BCAT1: variants seen among roughly 807,000 people sequenced by gnomAD.
The protein encoded by BCAT1 is branched chain amino acid transaminase 1, also known as branched-chain-amino-acid aminotransferase, cytosolic.
Under a neutral mutation model 52.4 loss-of-function variants are expected in BCAT1, and 48 were observed. The ratio of observed to expected loss-of-function variants is 0.92; its 90% CI spans 0.73 to 1.16. The LOEUF (loss-of-function observed/expected upper bound fraction) is 1.16, where lower values mean the gene tolerates loss of function less well. Ranked by LOEUF, BCAT1 falls within the 50% of genes most tolerant of loss-of-function variation. The pLI is 0.00. For missense variants in BCAT1, 451 were observed against 457.1 expected (o/e 0.99, Z 0.12); for synonymous variants, 167 against 161.3 (o/e 1.04, Z -0.27).
At chr12:24,832,580 C>G in intron 9 of BCAT1, 143 bp downstream of exon 9, 7 of 1,056,468 alleles carry the variant, frequency 6.6e-6, no homozygotes, top group Non-Finnish European at 9.3e-6. Context: ...GACTCCATCT[C>G]TTTAAAATAA....
At chr12:24,887,080 A>AAAAAAAAATATATATATAT (rs1245203518) in intron 3 of BCAT1, among the ~76,000 whole-genome samples, 2 of 40,744 alleles carry the variant, frequency 4.9e-5, no homozygotes, top group Non-Finnish European at 5.2e-5. Flanking sequence ...AAAAAAAAAA[A>AAAAAAAAATATATATATAT]ATATATATAT....
chr12:24,852,953 A>G (rs975659788), intron 5 of BCAT1, among the ~76,000 whole-genome samples: 6 of 152,264 alleles, frequency 3.9e-5, no homozygotes, highest in African/African-American at 1.4e-4. Context: ...GTGCTTTAAG[A>G]CAATGAATAA....
intron 1 of BCAT1, among the ~76,000 whole-genome samples, chr12:24,939,104 C>A (rs1446188126): frequency 2.0e-5 from 3 of 152,166 alleles, no homozygotes; most frequent in Non-Finnish European, 4.4e-5. Flanking sequence ...GAACTCCTGG[C>A]CTCAAGTGAT....
At chr12:24,918,336 G>A (rs982275010) in intron 1 of BCAT1, among the ~76,000 whole-genome samples, 24 of 152,246 alleles carry the variant, frequency 1.6e-4, no homozygotes, top group African/African-American at 4.6e-4. Flanking sequence ...CAAGGTAACC[G>A]GCCAGTGCTC....
upstream of BCAT1, chr12:24,949,190 A>G: frequency 3.7e-6 from 2 of 534,742 alleles, no homozygotes; most frequent in Non-Finnish European, 6.6e-6. Flanking sequence ...CCGCCCCCAG[A>G]TGGTGGAGTC....
intron 5 of BCAT1, among the ~76,000 whole-genome samples, chr12:24,861,386 G>A (rs1941845833): frequency 1.3e-5 from 2 of 152,214 alleles, no homozygotes; most frequent in African/African-American, 4.8e-5. Context: ...TTGCTTTACT[G>A]TTGTAGAATA....
At chr12:24,845,163 G>C (rs189936795) in intron 6 of BCAT1, among the ~76,000 whole-genome samples, 28 of 151,398 alleles carry the variant, frequency 1.8e-4, no homozygotes, top group African/African-American at 6.3e-4. Context: ...GCAGTGAGCT[G>C]AGATGGTGCC....
At position 24,873,967 on chromosome 12, in the gene BCAT1, T is replaced by G. The variant is rs371122955; in HGVS notation, c.510+4563A>C. Among the ~76,000 whole-genome samples, 15 of 152,312 alleles carry G rather than the reference T, an allele frequency of 9.8e-5. 1 individual carries two copies. In the East Asian group the frequency reaches 2.7e-3, roughly 27 times the overall value. On this transcript the variant is annotated intron_variant, in intron 5 of 10. Coordinates refer to ENST00000261192, the MANE Select transcript of BCAT1 (RefSeq NM_005504.7). ...TAGTAATTGATTTAATTATTTATCATGAGGAACTGCACAAAAACATTAGTA... is the reference window on the plus strand; with the variant it reads ...TAGTAATTGATTTAATTATTTATCAGGAGGAACTGCACAAAAACATTAGTA...
At chr12:24,902,867 G>T in intron 1 of BCAT1, 1 of 1,501,876 alleles carries the variant, frequency 6.7e-7, no homozygotes, top group Non-Finnish European at 8.9e-7. Flanking sequence ...ACGGCGACAA[G>T]GCGCCCGGCC....
chr12:24,923,856 AAT>A (rs1473476729), intron 1 of BCAT1, among the ~76,000 whole-genome samples: 1 of 152,232 alleles, frequency 6.6e-6, no homozygotes, highest in African/African-American at 2.4e-5. Flanking sequence ...GCAATTAACA[AAT>A]ATCAGAGTGA....
At chr12:24,941,302 A>G (rs1591894363) in intron 1 of BCAT1, among the ~76,000 whole-genome samples, 2 of 152,174 alleles carry the variant, frequency 1.3e-5, no homozygotes, top group African/African-American at 4.8e-5. Flanking sequence ...ATTAAGCTAC[A>G]TGAGTTTGCA....
intron 10 of BCAT1, among the ~76,000 whole-genome samples, chr12:24,825,133 G>GTATA (rs1467590780): frequency 6.3e-4 from 40 of 63,130 alleles, no homozygotes; most frequent in African/African-American, 2.5e-3. Flanking sequence ...GTGTGTGTGT[G>GTATA]TGTATATATA....
At chr12:24,828,874 C>T (rs1940519794) in intron 10 of BCAT1, among the ~76,000 whole-genome samples, 1 of 151,824 alleles carries the variant, frequency 6.6e-6, no homozygotes, top group Non-Finnish European at 1.5e-5. Context: ...GGAACGGTGG[C>T]ATGAGACCTG....
intron 5 of BCAT1, among the ~76,000 whole-genome samples, chr12:24,862,202 A>G (rs1941864651): frequency 6.6e-6 from 1 of 152,066 alleles, no homozygotes; most frequent in South Asian, 2.1e-4. Flanking sequence ...TCTCTAATAA[A>G]CTTGATTTGA....
chr12:24,826,753 T>G (rs951915398), intron 10 of BCAT1, among the ~76,000 whole-genome samples: 5 of 152,208 alleles, frequency 3.3e-5, no homozygotes, highest in Non-Finnish European at 5.9e-5. Flanking sequence ...CAAAATTAAT[T>G]CTTCCAATCC....
intron 1 of BCAT1, 113 bp from the exon 2 acceptor site, chr12:24,901,998 A>G (rs1347746443): frequency 3.1e-6 from 5 of 1,598,198 alleles, no homozygotes; most frequent in Non-Finnish European, 4.3e-6. Flanking sequence ...GACCCAGGCA[A>G]ACACAAAAAA....
chr12:24,840,707 A>C (rs1366254181), intron 7 of BCAT1, among the ~76,000 whole-genome samples: 1 of 152,206 alleles, frequency 6.6e-6, no homozygotes, highest in African/African-American at 2.4e-5. Flanking sequence ...CTTAGCTCTG[A>C]ATTCAGCCAC....
At chr12:24,862,676 A>G (rs929518998) in intron 5 of BCAT1, among the ~76,000 whole-genome samples, 6 of 152,162 alleles carry the variant, frequency 3.9e-5, no homozygotes, top group African/African-American at 1.4e-4. Flanking sequence ...ATATATACTT[A>G]GCCACCCTGC....
chr12:24,827,873 T>C (rs1940475765), intron 10 of BCAT1, among the ~76,000 whole-genome samples: 1 of 152,208 alleles, frequency 6.6e-6, no homozygotes, highest in Non-Finnish European at 1.5e-5. Context: ...AGTAAGTCTC[T>C]TTTAAAACTG....
Sources: allele counts gnomAD v4.1 joint callset (sites outside exome capture counted in the v4.1 genomes callset), GRCh38; gene constraint gnomAD v4.1.1; transcripts MANE v1.5; gene names NCBI Gene and HGNC (gene_info 2026-07-23, HGNC 2026-07-21).